The following DCDC1 variants were observed in gnomAD, a reference collection of about 807,000 sequenced individuals.
DCDC1 encodes the protein doublecortin domain containing 1.
A neutral mutation model predicts 178.3 loss-of-function variants in DCDC1; 200 were observed. The ratio of observed to expected loss-of-function variants is 1.12; its 90% confidence interval spans 1.00 to 1.26. The LOEUF is 1.26. Ranked by LOEUF, DCDC1 falls within the 50% of genes most tolerant of loss-of-function variation. DCDC1 has a pLI of 0.00. For missense variants in DCDC1, 1,983 were observed against 1,749.2 expected (o/e 1.13, Z -2.38); for synonymous variants, 690 against 604.8 (o/e 1.14, Z -2.07).
chr11:31,033,171 C>T (rs977682041), intron 20 of DCDC1, among the ~76,000 whole-genome samples: 1 of 152,078 alleles, frequency 6.6e-6, no homozygotes, highest in Non-Finnish European at 1.5e-5. Context: ...AAATTGCCCA[C>T]GCTACAAAGC....
chr11:30,995,926 G>A (rs1015954391), intron 20 of DCDC1, among the ~76,000 whole-genome samples: 4 of 151,958 alleles, frequency 2.6e-5, no homozygotes, highest in South Asian at 2.1e-4. Flanking sequence ...TAAATTAGAC[G>A]TTATCAAAAT....
chr11:31,333,765 C>T (rs899906422), intron 2 of DCDC1, among the ~76,000 whole-genome samples: 2 of 152,302 alleles, frequency 1.3e-5, no homozygotes, highest in South Asian at 2.1e-4. Context: ...GTCTGATGGG[C>T]TTCCCTTTGT....
At chr11:31,310,870 A>G (rs1465992418) in intron 3 of DCDC1, among the ~76,000 whole-genome samples, 2 of 152,174 alleles carry the variant, frequency 1.3e-5, no homozygotes, top group Non-Finnish European at 2.9e-5. Flanking sequence ...AAGTTATGAA[A>G]GTAAATAAAA....
chr11:30,998,198 G>A (rs930077721), intron 20 of DCDC1, among the ~76,000 whole-genome samples: 3 of 152,044 alleles, frequency 2.0e-5, no homozygotes, highest in Non-Finnish European at 4.4e-5. Flanking sequence ...GGGCTGAGAT[G>A]GGAGAATCAC....
At chr11:31,178,838 G>A (rs772121082) in intron 9 of DCDC1, among the ~76,000 whole-genome samples, 60 of 152,012 alleles carry the variant, frequency 3.9e-4, no homozygotes, top group African/African-American at 9.7e-4. Flanking sequence ...GATTACAGGC[G>A]CCTGCCACCA....
intron 10 of DCDC1, among the ~76,000 whole-genome samples, chr11:31,129,099 A>G (rs1378008365): frequency 1.3e-5 from 2 of 152,108 alleles, no homozygotes; most frequent in East Asian, 1.9e-4. Context: ...TGTTAAATCC[A>G]TTATTTCTAT....
At chr11:31,131,460 A>C (rs1186174117) in intron 10 of DCDC1, among the ~76,000 whole-genome samples, 2 of 152,220 alleles carry the variant, frequency 1.3e-5, no homozygotes, top group Non-Finnish European at 2.9e-5. Context: ...TATGGAAATA[A>C]TAAATGATCC....
intron 6 of DCDC1, among the ~76,000 whole-genome samples, chr11:31,301,949 A>G (rs1948142603): frequency 6.6e-6 from 1 of 152,298 alleles, no homozygotes; most frequent in South Asian, 2.1e-4. Flanking sequence ...ACGTCTTCAC[A>G]ATATTGGATC....
intron 9 of DCDC1, among the ~76,000 whole-genome samples, chr11:31,163,137 A>G (rs75035151): frequency 1.3e-5 from 2 of 152,130 alleles, no homozygotes; most frequent in African/African-American, 4.8e-5. Context: ...TCCCATGGCA[A>G]CCCGAGATTT....
chr11:31,085,739 G>A (rs985256032), intron 17 of DCDC1, among the ~76,000 whole-genome samples: 4 of 151,548 alleles, frequency 2.6e-5, no homozygotes, highest in East Asian at 1.9e-4. Context: ...ACAGGGTCTC[G>A]CTCTGTCACT....
intron 3 of DCDC1, among the ~76,000 whole-genome samples, chr11:31,314,737 A>G (rs764016773): frequency 2.6e-5 from 4 of 152,252 alleles, no homozygotes; most frequent in Admixed American, 6.5e-5. Flanking sequence ...CACCCAGAAT[A>G]ATCTCCCTTT....
chr11:31,228,708 TA>T (rs1975340376), intron 9 of DCDC1, among the ~76,000 whole-genome samples: 1 of 152,074 alleles, frequency 6.6e-6, no homozygotes, highest in Non-Finnish European at 1.5e-5. Context: ...TATAAGGAAT[TA>T]AAAAGCAAAT....
intron 20 of DCDC1, among the ~76,000 whole-genome samples, chr11:31,012,532 G>A (rs562544478): frequency 6.6e-6 from 1 of 151,460 alleles, no homozygotes; most frequent in South Asian, 2.1e-4. Context: ...CTGAGCCTGA[G>A]AGGTTGAGCC....
At chr11:31,263,527 T>A (rs1944935556) in intron 8 of DCDC1, among the ~76,000 whole-genome samples, 1 of 152,100 alleles carries the variant, frequency 6.6e-6, no homozygotes, top group Admixed American at 6.6e-5. Flanking sequence ...AAACATGTAA[T>A]AAAATGAAAA....
chr11:30,953,376 G>A (rs1427712810), intron 20 of DCDC1, among the ~76,000 whole-genome samples: 1 of 150,288 alleles, frequency 6.7e-6, no homozygotes, highest in African/African-American at 2.4e-5. Flanking sequence ...CAGATGGGGG[G>A]GAAAAATGTG....
At chr11:30,908,843 G>T in intron 29 of DCDC1, 103 bp downstream of exon 29, 1 of 990,082 alleles carries the variant, frequency 1.0e-6, no homozygotes, top group South Asian at 2.5e-5. Context: ...CATTCAACTT[G>T]TATGAACATA....
intron 20 of DCDC1, among the ~76,000 whole-genome samples, chr11:30,997,454 A>G (rs1441143775): frequency 1.3e-5 from 2 of 152,220 alleles, no homozygotes; most frequent in Admixed American, 1.3e-4. Flanking sequence ...GGTAAGGAAG[A>G]AAAGCGCTAA....
chr11:30,959,577 C>A (rs1948970434), intron 20 of DCDC1, among the ~76,000 whole-genome samples: 1 of 152,068 alleles, frequency 6.6e-6, no homozygotes, highest in East Asian at 1.9e-4. Context: ...TGGAGTGCTC[C>A]ACTTCTTGGA....
At chr11:31,355,015 C>G (rs1318269294) in intron 1 of DCDC1, among the ~76,000 whole-genome samples, 1 of 151,898 alleles carries the variant, frequency 6.6e-6, no homozygotes, top group East Asian at 1.9e-4. Context: ...CAGTGCAACA[C>G]CACTGTAAAT....
Sources: allele counts gnomAD v4.1 joint callset (sites outside exome capture counted in the v4.1 genomes callset), GRCh38; gene constraint gnomAD v4.1.1; transcripts MANE v1.5; gene names NCBI Gene and HGNC (gene_info 2026-07-23, HGNC 2026-07-21).